The following PTPRD variants were observed in gnomAD, a reference collection of about 807,000 sequenced individuals.
The protein encoded by PTPRD is receptor-type tyrosine-protein phosphatase delta.
In PTPRD, 34 loss-of-function variants were observed where a neutral mutation model predicts 214.5. The observed-to-expected ratio is 0.16, with a 90% CI of 0.12 to 0.21. The LOEUF (loss-of-function observed/expected upper bound fraction) is 0.21. Among genes scored for constraint, PTPRD ranks in the 10% least tolerant of loss-of-function variants. The probability of loss-of-function intolerance (pLI) is 1.00; values close to 1 mark genes in which losing one functional copy is unlikely to be tolerated. For missense variants in PTPRD, 2,545 were observed against 2,398.7 expected (o/e 1.06, Z -1.27); for synonymous variants, 1,128 against 845.7 (o/e 1.33, Z -5.79).
At chr9:9,160,617 A>G (rs2099886260) in intron 10 of PTPRD, among the ~76,000 whole-genome samples, 1 of 152,198 alleles carries the variant, frequency 6.6e-6, no homozygotes, top group Admixed American at 6.6e-5. Flanking sequence ...AGAAAATGGC[A>G]TGGAGATTCC....
At chr9:9,692,563 T>A (rs2097293168) in intron 7 of PTPRD, among the ~76,000 whole-genome samples, 1 of 152,060 alleles carries the variant, frequency 6.6e-6, no homozygotes, top group African/African-American at 2.4e-5. Context: ...AGTAATGTGA[T>A]TTCTTCAGTT....
intron 9 of PTPRD, among the ~76,000 whole-genome samples, chr9:9,264,093 A>G (rs1937757662): frequency 6.6e-6 from 1 of 151,678 alleles, no homozygotes; most frequent in African/African-American, 2.4e-5. Flanking sequence ...TTCAAATGCA[A>G]TAACCACAAT....
chr9:9,928,116 TA>T lies in PTPRD; in HGVS notation c.-368+10390del, dbSNP rs375378802. Among the ~76,000 whole-genome samples the T allele has an allele frequency of 3.4e-4, 52 of 152,298 alleles. No individual in the cohort carries two copies. In the East Asian group the frequency reaches 9.1e-3, roughly 27 times the overall value. The stretch of plus-strand genomic sequence containing the variant: ...AAGTATTGTAGTGCTCCAGAAAATA[TA>T]ATGTCAACCGTTAAAATTCAACTTT... On this transcript the variant is annotated intron_variant, in intron 5 of 45. Coordinates refer to ENST00000381196, the MANE Select transcript of PTPRD (RefSeq NM_002839.4).
At chr9:8,748,451 C>A (rs189287250) in intron 11 of PTPRD, among the ~76,000 whole-genome samples, 1 of 142,404 alleles carries the variant, frequency 7.0e-6, no homozygotes, top group African/African-American at 2.6e-5. Context: ...ACAGCAACCC[C>A]CTTTGGGTCC....
Position 9,200,096 on chromosome 9 carries a change from T to G in PTPRD, c.-202-16733A>C, listed in dbSNP as rs570292009. 1.2e-3 allele frequency among the ~76,000 whole-genome samples: 189 copies of G among 152,326 alleles called. 1 individual carries two copies. The highest frequency in any genetic ancestry group is 2.3e-3 in the Non-Finnish European group (159 of 68,026). On this transcript the variant is annotated intron_variant, in intron 9 of 45. Coordinates refer to ENST00000381196, the MANE Select transcript of PTPRD (RefSeq NM_002839.4). Reference sequence around the variant, plus strand: ...AAGGCTAATGTTGACTCCCACTGTCTGTTAGCGAGGAAATAAGTTGCCTCT... The same window carrying G: ...AAGGCTAATGTTGACTCCCACTGTCGGTTAGCGAGGAAATAAGTTGCCTCT...
chr9:9,212,969 A>C (rs77513995), intron 9 of PTPRD, among the ~76,000 whole-genome samples: 2,068 of 152,276 alleles, frequency 0.014, 46 homozygotes, highest in African/African-American at 0.048. Context: ...CTAAGATTCT[A>C]TAGATTCTAA....
rs201504582 is a variant in PTPRD at position 9,981,531 on chromosome 9, G to A, written c.-471-42921C>T. Among the ~76,000 whole-genome samples the A allele has an allele frequency of 6.9e-5, 4 of 58,376 alleles. No homozygotes were observed. In the East Asian group the frequency reaches 7.6e-4, roughly 11 times the overall value. 38.3% of individuals were successfully genotyped at this position (58,376 alleles called of 152,430 possible). Reference sequence around the variant, plus strand: ...CACCATGCCTGGCTAATTTTTTTTTGTATTTTTTTTACTAGAGACGGAGTT... The same window carrying A: ...CACCATGCCTGGCTAATTTTTTTTTATATTTTTTTTACTAGAGACGGAGTT... On this transcript the variant is annotated intron_variant, in intron 4 of 45. Coordinates refer to ENST00000381196, the MANE Select transcript of PTPRD (RefSeq NM_002839.4).
chr9:10,290,142 T>C (rs2095487471), intron 3 of PTPRD, among the ~76,000 whole-genome samples: 1 of 152,170 alleles, frequency 6.6e-6, no homozygotes, highest in African/African-American at 2.4e-5. Flanking sequence ...ATAACTACAT[T>C]AAATGGTGAT....
chr9:8,462,563 A>C (rs2096442598), intron 32 of PTPRD, among the ~76,000 whole-genome samples: 1 of 151,934 alleles, frequency 6.6e-6, no homozygotes, highest in Admixed American at 6.6e-5. Context: ...AACACATTCC[A>C]TCACAGTGGG....
chr9:8,809,434 G>C lies in PTPRD; in HGVS notation c.-103-75488C>G, dbSNP rs566909250. Among the ~76,000 whole-genome samples, 4 of 152,190 alleles carry C rather than the reference G, an allele frequency of 2.6e-5. No individual in the cohort carries two copies. In the South Asian group the frequency reaches 8.3e-4, roughly 32 times the overall value. On this transcript the variant is annotated intron_variant, in intron 11 of 45. Coordinates refer to ENST00000381196, the MANE Select transcript of PTPRD (RefSeq NM_002839.4). Reference sequence around the variant, plus strand: ...CCAAGGTCTCATAGGCCTAACAGTGGAGCCAATAACCCAATAACCAACGTC... The same window carrying C: ...CCAAGGTCTCATAGGCCTAACAGTGCAGCCAATAACCCAATAACCAACGTC...
At chr9:9,315,087 G>C (rs983447009) in intron 9 of PTPRD, among the ~76,000 whole-genome samples, 2 of 151,930 alleles carry the variant, frequency 1.3e-5, no homozygotes, top group Non-Finnish European at 2.9e-5. Flanking sequence ...TTGTCATTTA[G>C]AATTTTCATT....
intron 23 of PTPRD, among the ~76,000 whole-genome samples, chr9:8,502,735 C>T (rs2097437779): frequency 6.6e-6 from 1 of 151,734 alleles, no homozygotes; most frequent in Non-Finnish European, 1.5e-5. Context: ...TTCAGACCTC[C>T]TATTTTGTGA....
intron 8 of PTPRD, among the ~76,000 whole-genome samples, chr9:9,565,761 T>A (rs1055451286): frequency 1.3e-5 from 2 of 151,964 alleles, no homozygotes; most frequent in African/African-American, 4.8e-5. Flanking sequence ...ACAAATGTCC[T>A]TGTAAAAAAG....
intron 11 of PTPRD, among the ~76,000 whole-genome samples, chr9:8,892,368 G>A (rs913091866): frequency 4.6e-5 from 7 of 151,892 alleles, no homozygotes; most frequent in Non-Finnish European, 1.0e-4. Context: ...GAACTGGAAG[G>A]GACTCCACAG....
intron 2 of PTPRD, among the ~76,000 whole-genome samples, chr9:10,360,042 AC>A (rs1453046900): frequency 2.6e-5 from 4 of 152,218 alleles, no homozygotes; most frequent in Non-Finnish European, 5.9e-5. Context: ...CTATTAGTTC[AC>A]GTTAGGCTTT....
intron 3 of PTPRD, among the ~76,000 whole-genome samples, chr9:10,104,805 G>C (rs2098607085): frequency 2.0e-5 from 3 of 151,864 alleles, no homozygotes; most frequent in Non-Finnish European, 4.4e-5. Flanking sequence ...AGTAATCCAA[G>C]TATTTAAGAA....
chr9:8,913,083 G>A (rs1017588059), intron 11 of PTPRD, among the ~76,000 whole-genome samples: 5 of 151,894 alleles, frequency 3.3e-5, no homozygotes, highest in African/African-American at 1.2e-4. Flanking sequence ...TATCACCTTT[G>A]TAATTCTCTT....
chr9:8,419,683 G>C (rs909028352), intron 35 of PTPRD, among the ~76,000 whole-genome samples: 10 of 151,584 alleles, frequency 6.6e-5, no homozygotes, highest in Non-Finnish European at 8.8e-5. Flanking sequence ...CATCCAGCTA[G>C]GGGAATTTTG....
chr9:10,222,422 A>G (rs1407347), intron 3 of PTPRD, among the ~76,000 whole-genome samples: 151,678 of 152,200 alleles, frequency 1, 75,580 homozygotes, highest in Middle Eastern at 1. Context: ...TACCTCAGTT[A>G]TCTAAACACC....
Sources: allele counts gnomAD v4.1 joint callset (sites outside exome capture counted in the v4.1 genomes callset), GRCh38; gene constraint gnomAD v4.1.1; transcripts MANE v1.5; gene names NCBI Gene and HGNC (gene_info 2026-07-23, HGNC 2026-07-21).